BRD10: variants seen among roughly 807,000 people sequenced by gnomAD.
The protein encoded by BRD10 is bromodomain containing 10, also known as uncharacterized bromodomain-containing protein 10.
the BRD10 span, chr9:5,968,591 C>T: frequency 1.2e-6 from 2 of 1,613,868 alleles, no homozygotes; most frequent in Non-Finnish European, 1.7e-6. Flanking sequence ...AGCAGGACAG[C>T]AAGCTGGATC....
At chr9:6,008,341 T>C in the BRD10 span, 1 of 983,752 alleles carries the variant, frequency 1.0e-6, no homozygotes, top group South Asian at 4.7e-5. Context: ...CAACTGTCAG[T>C]TAGAAGCCCC....
chr9:5,954,601 G>T, the BRD10 span, among the ~76,000 whole-genome samples: 1 of 152,044 alleles, frequency 6.6e-6, no homozygotes, highest in Admixed American at 6.6e-5. Context: ...CACCTAATAG[G>T]CTGCCCTTGG....
At chr9:5,882,860 G>T in the BRD10 span, among the ~76,000 whole-genome samples, 3 of 152,226 alleles carry the variant, frequency 2.0e-5, no homozygotes, top group South Asian at 2.1e-4. Flanking sequence ...TCCTTTGTAG[G>T]GACATGGATG....
the BRD10 span, among the ~76,000 whole-genome samples, chr9:5,914,409 G>T: frequency 2.4e-4 from 26 of 106,962 alleles, no homozygotes; most frequent in South Asian, 9.8e-4. Flanking sequence ...AAATCCAGAT[G>T]GTTTTTTTTT....
At chr9:5,976,276 G>C in the BRD10 span, among the ~76,000 whole-genome samples, 18 of 152,244 alleles carry the variant, frequency 1.2e-4, no homozygotes, top group East Asian at 2.5e-3. Flanking sequence ...TAAATTTATA[G>C]ATACTGTGTA....
chr9:5,953,465 A>T, the BRD10 span, among the ~76,000 whole-genome samples: 3 of 152,110 alleles, frequency 2.0e-5, no homozygotes, highest in African/African-American at 7.2e-5. Context: ...CTTTCCACAG[A>T]AATGTTTAAA....
the BRD10 span, among the ~76,000 whole-genome samples, chr9:5,943,590 C>T: frequency 8.1e-5 from 12 of 147,684 alleles, no homozygotes; most frequent in Non-Finnish European, 1.5e-4. Context: ...ATGACATTTA[C>T]ATAACATAAA....
the BRD10 span, chr9:5,922,498 A>G: frequency 6.8e-6 from 11 of 1,613,878 alleles, no homozygotes; most frequent in Admixed American, 6.7e-5. Context: ...TGAAAGCTGT[A>G]TTTGGTAGTT....
At chr9:5,996,317 TTG>T in the BRD10 span, among the ~76,000 whole-genome samples, 5 of 149,600 alleles carry the variant, frequency 3.3e-5, no homozygotes, top group African/African-American at 7.5e-5. Flanking sequence ...GTTTTTTTTT[TTG>T]TTGTTGTTGT....
chr9:5,983,962 TACACACAC>T, the BRD10 span, among the ~76,000 whole-genome samples: 135 of 129,720 alleles, frequency 1.0e-3, no homozygotes, highest in African/African-American at 2.7e-3. Flanking sequence ...GTATATGCAT[TACACACAC>T]ACACACACAC....
At chr9:5,897,009 A>T in the BRD10 span, among the ~76,000 whole-genome samples, 1 of 152,178 alleles carries the variant, frequency 6.6e-6, no homozygotes, top group Non-Finnish European at 1.5e-5. Context: ...GCTCTGTATG[A>T]TCACCAGCGA....
chr9:5,970,547 C>G, the BRD10 span, among the ~76,000 whole-genome samples: 13 of 151,750 alleles, frequency 8.6e-5, no homozygotes, highest in Non-Finnish European at 1.8e-4. Context: ...GATCTGACAC[C>G]CAAAAAATAA....
the BRD10 span, among the ~76,000 whole-genome samples, chr9:6,006,649 A>C: frequency 6.6e-6 from 1 of 152,238 alleles, no homozygotes; most frequent in East Asian, 1.9e-4. Context: ...CCTCAGATGA[A>C]ACGGAGAGAA....
At chr9:5,879,257 G>A in the BRD10 span, among the ~76,000 whole-genome samples, 96,250 of 151,900 alleles carry the variant, frequency 0.63, 31,869 homozygotes, top group Non-Finnish European at 0.75. Context: ...TAGGTCAGGA[G>A]TTCGAGACCA....
At chr9:5,988,377 C>T in the BRD10 span, 6 of 1,613,626 alleles carry the variant, frequency 3.7e-6, no homozygotes, top group South Asian at 2.2e-5. Flanking sequence ...GCTGTTCTTC[C>T]TGTCTCAAAA....
At chr9:5,970,270 T>C in the BRD10 span, among the ~76,000 whole-genome samples, 1 of 152,142 alleles carries the variant, frequency 6.6e-6, no homozygotes. Flanking sequence ...GCCTTAAAAA[T>C]TAAAATTATT....
chr9:5,929,109 C>A, the BRD10 span: 1 of 1,609,398 alleles, frequency 6.2e-7, no homozygotes, highest in East Asian at 2.2e-5. Context: ...AAAGACGTAT[C>A]AATGTACTAT....
chr9:5,985,741 C>T, the BRD10 span, among the ~76,000 whole-genome samples: 4 of 151,812 alleles, frequency 2.6e-5, no homozygotes, highest in African/African-American at 4.8e-5. Flanking sequence ...GCCAAGGTTG[C>T]GCCACTGCAC....
At chr9:5,988,246 CAA>C in the BRD10 span, 2 of 770,074 alleles carry the variant, frequency 2.6e-6, no homozygotes, top group African/African-American at 3.5e-5. Context: ...ACTTTTGTAA[CAA>C]TGCATTTTAG....
Sources: allele counts gnomAD v4.1 joint callset (sites outside exome capture counted in the v4.1 genomes callset), GRCh38; gene constraint gnomAD v4.1.1; transcripts MANE v1.5; gene names NCBI Gene and HGNC (gene_info 2026-07-23, HGNC 2026-07-21).